PASD1: variants seen among roughly 807,000 people sequenced by gnomAD.
PASD1 encodes the protein PAS domain containing repressor 1, also known as circadian clock protein PASD1.
Under a neutral mutation model 58.8 loss-of-function variants are expected in PASD1, and 13 were observed. The observed-to-expected ratio is 0.22, with a 90% CI of 0.14 to 0.35. The LOEUF is 0.35. Ranked by LOEUF, PASD1 falls within the 10% of genes least tolerant of loss-of-function variation. PASD1 has a pLI of 1.00. For synonymous variants in PASD1, 236 were observed against 216.7 expected, an observed-to-expected ratio of 1.09 and a Z score of -0.78; for missense variants, 734 against 568.3, an observed-to-expected ratio of 1.29 and a Z score of -2.96.
intron 11 of PASD1, among the ~76,000 whole-genome samples, chrX:151,669,765 A>G (rs897017654): frequency 8.9e-6 from 1 of 112,151 alleles, no homozygotes; most frequent in African/African-American, 3.2e-5. Context: ...TTCTGTATAT[A>G]TAACACATTT....
At chrX:151,571,493 T>C (rs1383686845) in intron 1 of PASD1, among the ~76,000 whole-genome samples, 1 of 111,418 alleles carries the variant, frequency 9.0e-6, no homozygotes, top group Non-Finnish European at 1.9e-5. Context: ...CTCATGTCAC[T>C]CCCTTGGGGC....
At chrX:151,569,827 G>C (rs920492766) in intron 1 of PASD1, among the ~76,000 whole-genome samples, 3 of 110,380 alleles carry the variant, frequency 2.7e-5, no homozygotes, top group African/African-American at 9.9e-5. Flanking sequence ...TAAGTGAGGA[G>C]GTCCATAGCC....
intron 1 of PASD1, among the ~76,000 whole-genome samples, chrX:151,599,473 C>T (rs989678752): frequency 4.5e-5 from 5 of 109,967 alleles, no homozygotes; most frequent in South Asian, 4.0e-4. Context: ...CCGGACTGGG[C>T]GGCTGCCGGG....
intron 11 of PASD1, among the ~76,000 whole-genome samples, chrX:151,667,033 C>T (rs1365769769): frequency 1.8e-5 from 2 of 111,263 alleles, no homozygotes; most frequent in Non-Finnish European, 3.8e-5. Flanking sequence ...TCTCCACATC[C>T]TCTCTAGCAT....
intron 1 of PASD1, among the ~76,000 whole-genome samples, chrX:151,591,152 T>C (rs887560648): frequency 1.8e-5 from 2 of 111,768 alleles, no homozygotes; most frequent in African/African-American, 3.3e-5. Flanking sequence ...TTCTTTTGAC[T>C]GTGGGCCTTA....
At chrX:151,649,978 G>T (rs1211351371) in intron 9 of PASD1, among the ~76,000 whole-genome samples, 2 of 112,312 alleles carry the variant, frequency 1.8e-5, no homozygotes, top group African/African-American at 6.5e-5. Context: ...ATTTAACAAA[G>T]TATGTCTATG....
At chrX:151,594,155 A>G (rs1183167805) in intron 1 of PASD1, among the ~76,000 whole-genome samples, 2 of 110,312 alleles carry the variant, frequency 1.8e-5, no homozygotes, top group African/African-American at 3.3e-5. Context: ...TCGTATTTTT[A>G]GTAGAGACCG....
chrX:151,671,896 G>T lies in PASD1; in HGVS notation c.1437+117G>T, dbSNP rs2014476120. ...CTATCCACTTGGCTGCAATTTATTT[G>T]CCCAAGATAGTAAAAAATCCTGGGC... is the stretch of plus-strand genomic sequence containing the variant. On this transcript the variant is annotated intron_variant, in intron 13 of 15. Transcript: ENST00000370357. 7.2e-6 allele frequency: 6 copies of T among 837,635 alleles called. No homozygotes were observed. The Admixed American group carries it at 1.6e-4, about 23-fold the overall frequency. 69.0% of individuals were successfully genotyped at this position (837,635 alleles called of 1,213,427 possible). A position where few individuals can be genotyped will look rare whatever the true frequency, so the allele number is the denominator to read the frequency against.
At chrX:151,642,131 G>C (rs984813392) in intron 8 of PASD1, among the ~76,000 whole-genome samples, 1 of 111,944 alleles carries the variant, frequency 8.9e-6, no homozygotes, top group African/African-American at 3.2e-5. Context: ...CCCTTTGTTA[G>C]CAGGAAGGCA....
intron 1 of PASD1, among the ~76,000 whole-genome samples, chrX:151,572,318 C>A (rs752244928): frequency 1.8e-5 from 2 of 111,232 alleles, no homozygotes; most frequent in Non-Finnish European, 3.8e-5. Flanking sequence ...CAGTGCCTTG[C>A]CCATAGTATG....
intron 9 of PASD1, among the ~76,000 whole-genome samples, chrX:151,652,299 C>T (rs190469891): frequency 2.2e-4 from 24 of 110,884 alleles, no homozygotes; most frequent in Non-Finnish European, 1.7e-4. Context: ...TTTGGGAGGC[C>T]GAGGCAGGCA....
Position 151,621,609 on chromosome X carries a change from A to G in PASD1, c.418+17A>G, listed in dbSNP as rs1161649957. 1.8e-6 allele frequency: 2 copies of G among 1,084,652 alleles called. No homozygotes were observed. Among genetic ancestry groups the G allele is most frequent in the Non-Finnish European group, 2.5e-6 (2 of 792,264 alleles). The allele number at this position is 1,084,652 out of a possible 1,213,427, so 89.4% of individuals were successfully genotyped here. ...TTTGTAATGGTAAGCAGTTCTGTTT[A>G]TCTTATCTATATGACATTTATGAGT... On this transcript the variant is annotated intron_variant, in intron 6 of 15. Transcript: ENST00000370357.
intron 9 of PASD1, among the ~76,000 whole-genome samples, chrX:151,655,507 C>T (rs761356511): frequency 1.8e-5 from 2 of 111,520 alleles, no homozygotes; most frequent in South Asian, 3.8e-4. Flanking sequence ...ACATCCTCTC[C>T]AGCACCTGTT....
At chrX:151,632,597 G>C (rs781074161) in intron 8 of PASD1, among the ~76,000 whole-genome samples, 5 of 111,678 alleles carry the variant, frequency 4.5e-5, no homozygotes, top group Admixed American at 9.5e-5. Context: ...TGGAGACTCA[G>C]TCAACACTAC....
chrX:151,596,275 T>C (rs1370877809), intron 1 of PASD1, among the ~76,000 whole-genome samples: 1 of 111,975 alleles, frequency 8.9e-6, no homozygotes, highest in Non-Finnish European at 1.9e-5. Flanking sequence ...CATCACAACA[T>C]GGCAGAGAAA....
intron 3 of PASD1, among the ~76,000 whole-genome samples, chrX:151,608,666 A>G (rs928434138): frequency 9.0e-6 from 1 of 111,482 alleles, no homozygotes; most frequent in African/African-American, 3.2e-5. Flanking sequence ...TAATGTGTTC[A>G]TACTTTTTGA....
intron 9 of PASD1, among the ~76,000 whole-genome samples, chrX:151,653,803 C>CTTTCTTTCTTTCTTTCTTTCT (rs1569413752): frequency 9.5e-5 from 1 of 10,538 alleles, no homozygotes; most frequent in Non-Finnish European, 2.2e-4. Flanking sequence ...TCTTTCTTTC[C>CTTTCTTTCTTTCTTTCTTTCT]TTCCTTCCTT....
In PASD1 at chrX:151,606,365, AGC is replaced by A. The variant is rs200339358; in HGVS notation, c.117+1633_117+1634del. 3.1e-3 allele frequency among the ~76,000 whole-genome samples: 350 copies of A among 111,605 alleles called. 1 individual carries two copies. The highest frequency in any genetic ancestry group is 0.011 in the African/African-American group (335 of 30,711). On this transcript the variant is annotated intron_variant, in intron 3 of 15. Transcript: ENST00000370357. ...GCCATTCTTTTGAAGCATGAAAGAA[AGC>A]GGGGTTTGGAGGGCAAGAGAGCAAG...
At chrX:151,599,594 G>A (rs1334636773) in intron 1 of PASD1, among the ~76,000 whole-genome samples, 6 of 108,451 alleles carry the variant, frequency 5.5e-5, no homozygotes, top group Non-Finnish European at 7.7e-5. Flanking sequence ...ACGGGGTGGC[G>A]GCGGGGCAGA....
Sources: allele counts gnomAD v4.1 joint callset (sites outside exome capture counted in the v4.1 genomes callset), GRCh38; gene constraint gnomAD v4.1.1; transcripts MANE v1.5; gene names NCBI Gene and HGNC (gene_info 2026-07-23, HGNC 2026-07-21).